KMT2C: variants seen among roughly 807,000 people sequenced by gnomAD.
The protein encoded by KMT2C is histone-lysine N-methyltransferase 2C.
Under a neutral mutation model 507.9 loss-of-function variants are expected in KMT2C, and 88 were observed. The ratio of observed to expected loss-of-function variants is 0.17; its 90% confidence interval spans 0.15 to 0.21. KMT2C has a LOEUF of 0.21. KMT2C is among the 10% of genes least tolerant of loss of function. The pLI is 1.00. For synonymous variants in KMT2C, 2,049 were observed against 2,080.8 expected, an observed-to-expected ratio of 0.98 and a Z score of 0.42; for missense variants, 4,954 against 5,957.8, an observed-to-expected ratio of 0.83 and a Z score of 5.55.
intron 26 of KMT2C, among the ~76,000 whole-genome samples, chr7:152,202,178 T>C (rs2094163815): frequency 6.6e-6 from 1 of 152,202 alleles, no homozygotes; most frequent in South Asian, 2.1e-4. Context: ...GAAATGAGGA[T>C]GGCCTCTCAA....
At chr7:152,346,121 A>G (rs1302261912) in intron 2 of KMT2C, among the ~76,000 whole-genome samples, 1 of 152,232 alleles carries the variant, frequency 6.6e-6, no homozygotes, top group Non-Finnish European at 1.5e-5. Flanking sequence ...AATCTCAAGG[A>G]GTAAGAGATG....
Position 152,138,585 on chromosome 7 carries a change from G to A in KMT2C, c.14643+211C>T. 2.1e-6 allele frequency: 1 copy of A among 466,742 alleles called. No individual in the cohort carries two copies. Among genetic ancestry groups the A allele is most frequent in the South Asian group, 2.8e-5 (1 of 35,418 alleles). 28.9% of individuals were successfully genotyped at this position (466,742 alleles called of 1,614,324 possible). A position where few individuals can be genotyped will look rare whatever the true frequency, so the allele number is the denominator to read the frequency against. ...CACAGAAGGGAAGGGAGAGGTGACA[G>A]CAAATGCTCACAGAGCTGCCATGTG... On this transcript the variant is annotated intron_variant, in intron 58 of 58. Transcript: ENST00000262189. This position sits in a 1 kb window ranked among gnomAD's most constrained non-coding sequence, Gnocchi z 4.2.
chr7:152,306,938 C>T (rs2096619952), intron 6 of KMT2C, among the ~76,000 whole-genome samples: 1 of 152,106 alleles, frequency 6.6e-6, no homozygotes, highest in African/African-American at 2.4e-5. Flanking sequence ...GTGGGAGTAT[C>T]GCTTAAGCTC....
chr7:152,284,352 G>A (rs1347935669), intron 6 of KMT2C, among the ~76,000 whole-genome samples: 1 of 152,066 alleles, frequency 6.6e-6, no homozygotes, highest in Non-Finnish European at 1.5e-5. Context: ...ATCCAAGAGA[G>A]CAATAAATAG....
chr7:152,257,991 CT>C (rs2129169873), intron 9 of KMT2C, among the ~76,000 whole-genome samples: 1 of 152,286 alleles, frequency 6.6e-6, no homozygotes, highest in Admixed American at 6.5e-5. Context: ...GTTGGACAAA[CT>C]TCTGTAAGTG....
chr7:152,398,234 C>G (rs1465660535), intron 1 of KMT2C, among the ~76,000 whole-genome samples: 1 of 152,180 alleles, frequency 6.6e-6, no homozygotes, highest in South Asian at 2.1e-4. Flanking sequence ...GGAGCTTGGT[C>G]TCTCTGGTTC....
chr7:152,413,153 T>C (rs2097699495), intron 1 of KMT2C, among the ~76,000 whole-genome samples: 1 of 152,174 alleles, frequency 6.6e-6, no homozygotes, highest in South Asian at 2.1e-4. Flanking sequence ...GGTCTCACTT[T>C]GTCCAGGCTG....
chr7:152,419,203 T>A (rs559756393), intron 1 of KMT2C, among the ~76,000 whole-genome samples: 1 of 151,792 alleles, frequency 6.6e-6, no homozygotes, highest in South Asian at 2.1e-4. Context: ...TACAAAAAAT[T>A]AGCCGGGCAT....
chr7:152,414,969 C>A (rs1036425144), intron 1 of KMT2C, among the ~76,000 whole-genome samples: 9 of 152,064 alleles, frequency 5.9e-5, no homozygotes, highest in African/African-American at 9.7e-5. Flanking sequence ...CCTCCTCAGT[C>A]TCCCAAACAG....
chr7:152,241,675 T>C lies in KMT2C; in HGVS notation c.2533-2849A>G, dbSNP rs562736842. ...AGTGGTAGGCAGTGGGGGCAAAAGA[T>C]ACCTAAATTACTTCTCTCAATATTT... On this transcript the variant is annotated intron_variant, in intron 14 of 58. Transcript: ENST00000262189. Among the ~76,000 whole-genome samples the C allele has an allele frequency of 1.2e-4, 19 of 152,338 alleles. No homozygotes were observed. In the South Asian group the frequency reaches 1.9e-3, roughly 15 times the overall value.
At chr7:152,308,673 C>CAAAAAAAAAAAAAAAAAAA (rs938826373) in intron 6 of KMT2C, among the ~76,000 whole-genome samples, 5 of 24,566 alleles carry the variant, frequency 2.0e-4, no homozygotes, top group African/African-American at 5.9e-4. Flanking sequence ...AAACTCCTCT[C>CAAAAAAAAAAAAAAAAAAA]AAAAAAAAAA....
Position 152,182,270 on chromosome 7 carries a change from T to C in KMT2C, c.5590A>G (p.Ile1864Val). ...PPPPAPSRIPIQDSLSQAQTS... is the reference protein window; with the variant it reads ...PPPPAPSRIPVQDSLSQAQTS... ...TGAGCCTGAGAAAGACTATCCTGGA[T>C]GGGAATCCGGGATGGGGCTGGAGGA... The change falls in exon 36 of 59, where the codon ATC becomes GTC. Residue 1864 changes from isoleucine (I) to valine (V), a missense_variant. By Grantham distance (29) the Ile-to-Val change is conservative (BLOSUM62 3). Transcript: ENST00000262189. The C allele has an allele frequency of 1.9e-6, 3 of 1,614,078 alleles. No individual in the cohort carries two copies. The highest frequency in any genetic ancestry group is 1.1e-5 in the South Asian group (1 of 91,068).
chr7:152,416,390 A>G (rs1476471930), intron 1 of KMT2C, among the ~76,000 whole-genome samples: 2 of 144,172 alleles, frequency 1.4e-5, no homozygotes, highest in Non-Finnish European at 2.9e-5. Flanking sequence ...TTAAAACTAC[A>G]AAAAATTAGC....
chr7:152,355,124 T>G (rs921296463), intron 2 of KMT2C, among the ~76,000 whole-genome samples: 11 of 152,202 alleles, frequency 7.2e-5, no homozygotes, highest in African/African-American at 2.4e-4. Flanking sequence ...GCTGGATGTC[T>G]AAAATGTGAA....
intron 34 of KMT2C, among the ~76,000 whole-genome samples, chr7:152,184,468 C>T (rs1009568164): frequency 6.6e-6 from 1 of 152,174 alleles, no homozygotes; most frequent in Non-Finnish European, 1.5e-5. Context: ...AACTGCGAAT[C>T]TTATAAAATT....
intron 1 of KMT2C, among the ~76,000 whole-genome samples, chr7:152,368,916 G>T (rs1346292452): frequency 6.6e-6 from 1 of 151,744 alleles, no homozygotes; most frequent in Non-Finnish European, 1.5e-5. Context: ...TTATTAAACA[G>T]ATATCTTCAG....
In KMT2C at chr7:152,194,278, A is replaced by C; in HGVS notation, c.4508-17T>G. The C allele has an allele frequency of 7.0e-7, 1 of 1,435,396 alleles. No individual in the cohort carries two copies. Among genetic ancestry groups the C allele is most frequent in the South Asian group, 1.3e-5 (1 of 78,682 alleles). The allele number at this position is 1,435,396 out of a possible 1,614,324, so 88.9% of individuals were successfully genotyped here. A position where few individuals can be genotyped will look rare whatever the true frequency, so the allele number is the denominator to read the frequency against. ...GAATTGCTCCTAGAATAAATTAAAA[A>C]AAAAAAAGAAACATTAACAGCTACT... On this transcript the variant is annotated splice_polypyrimidine_tract_variant and intron_variant, in intron 29 of 58. Transcript: ENST00000262189.
chr7:152,314,254 CAAT>C (rs1563828483), intron 4 of KMT2C, among the ~76,000 whole-genome samples: 4 of 152,062 alleles, frequency 2.6e-5, no homozygotes, highest in Admixed American at 6.5e-5. Flanking sequence ...TACAACACAA[CAAT>C]GATTTAGTAC....
chr7:152,174,299 GAAGT>G (rs1422352321), intron 38 of KMT2C, 57 bp from the exon 39 acceptor site: 2 of 816,798 alleles, frequency 2.4e-6, no homozygotes, highest in African/African-American at 1.8e-5. Context: ...CGTACACTAA[GAAGT>G]AATTCAAATA....
Sources: allele counts gnomAD v4.1 joint callset (sites outside exome capture counted in the v4.1 genomes callset), GRCh38; gene constraint gnomAD v4.1.1; non-coding constraint Gnocchi (gnomAD v3.1); transcripts MANE v1.5; gene names NCBI Gene and HGNC (gene_info 2026-07-23, HGNC 2026-07-21).